Variants in MCUR1 observed in about 807,000 individuals in gnomAD.
The protein encoded by MCUR1 is MCU regulator 1.
MCUR1 carries 37 observed loss-of-function variants against 42.0 expected under a neutral mutation model. The ratio of observed to expected loss-of-function variants is 0.88; its 90% CI spans 0.68 to 1.16. MCUR1 has a LOEUF of 1.16. Among genes scored for constraint, MCUR1 ranks in the 50% most tolerant of loss-of-function variants. The probability of loss-of-function intolerance (pLI) is 0.00; values close to 1 mark genes in which losing one functional copy is unlikely to be tolerated. For synonymous variants in MCUR1, 229 were observed against 196.2 expected, an observed-to-expected ratio of 1.17 and a Z score of -1.40; for missense variants, 469 against 468.4, an observed-to-expected ratio of 1.00 and a Z score of -0.01.
chr6:13,813,673 C>A (rs1159087004), intron 1 of MCUR1, among the ~76,000 whole-genome samples: 1 of 152,222 alleles, frequency 6.6e-6, no homozygotes, highest in Admixed American at 6.5e-5. Context: ...CCTTGAACGC[C>A]CAACAGGCTG....
At chr6:13,805,681 T>C (rs976242684) in intron 2 of MCUR1, among the ~76,000 whole-genome samples, 3 of 152,298 alleles carry the variant, frequency 2.0e-5, no homozygotes, top group African/African-American at 7.2e-5. Flanking sequence ...GAGTAGCTTT[T>C]CTGACACAAA....
At chr6:13,796,066 C>T (rs1465124334) in intron 6 of MCUR1, among the ~76,000 whole-genome samples, 1 of 152,040 alleles carries the variant, frequency 6.6e-6, no homozygotes, top group African/African-American at 2.4e-5. Context: ...ATAGTCATTC[C>T]AGATAAAGTA....
chr6:13,800,696 G>C (rs116060574), intron 4 of MCUR1, among the ~76,000 whole-genome samples: 218 of 152,268 alleles, frequency 1.4e-3, no homozygotes, highest in African/African-American at 4.9e-3. Context: ...GAACAACCTA[G>C]AGAGTCTGAA....
intron 2 of MCUR1, among the ~76,000 whole-genome samples, chr6:13,804,496 C>A (rs185228365): frequency 6.6e-6 from 1 of 151,028 alleles, no homozygotes; most frequent in East Asian, 2.0e-4. Context: ...AAGTCTTGGC[C>A]GGGCGCGGTG....
At position 13,787,943 on chromosome 6, in the gene MCUR1, T is replaced by C. The variant is rs1759638962; in HGVS notation, c.*2866A>G. 6.6e-6 allele frequency: 1 copy of C among 152,220 alleles called. No homozygotes were observed. The highest frequency in any genetic ancestry group is 2.4e-5 in the African/African-American group (1 of 41,434). 9.4% of individuals were successfully genotyped at this position (152,220 alleles called of 1,614,324 possible). A position where few individuals can be genotyped will look rare whatever the true frequency, so the allele number is the denominator to read the frequency against. ...CTGGGCCCGAGTCTCGTTGCAGTGG[T>C]GTAATCTCTGCTCACTGCAACCTCT... On this transcript the variant is annotated 3_prime_UTR_variant, in exon 9 of 9. Coordinates refer to ENST00000379170, the MANE Select transcript of MCUR1 (RefSeq NM_001031713.4).
intron 1 of MCUR1, among the ~76,000 whole-genome samples, chr6:13,811,763 A>C (rs1760239870): frequency 6.6e-6 from 1 of 152,124 alleles, no homozygotes; most frequent in Non-Finnish European, 1.5e-5. Context: ...TAAGAAAATA[A>C]TCATTCATGT....
At chr6:13,811,859 GT>G (rs60606901) in intron 1 of MCUR1, among the ~76,000 whole-genome samples, 15,319 of 151,890 alleles carry the variant, frequency 0.1, 1,170 homozygotes, top group African/African-American at 0.21. Flanking sequence ...GGATACTACA[GT>G]TTTTTTGTTA....
chr6:13,789,218 T>A lies in MCUR1; in HGVS notation c.*1591A>T, dbSNP rs1364122930. The A allele has an allele frequency of 1.3e-5, 2 of 152,360 alleles. No individual in the cohort carries two copies. The highest frequency in any genetic ancestry group is 3.9e-4 in the East Asian group (2 of 5,184). 9.4% of individuals were successfully genotyped at this position (152,360 alleles called of 1,614,324 possible). A position where few individuals can be genotyped will look rare whatever the true frequency, so the allele number is the denominator to read the frequency against. On this transcript the variant is annotated 3_prime_UTR_variant, in exon 9 of 9. Transcript: ENST00000379170. ...GAGTTAGAGACCAGCCTGGCCAACA[T>A]GGTGAAACCTCATCTCTACTAAAAA... is the stretch of plus-strand genomic sequence containing the variant.
At chr6:13,802,093 T>A (rs1019767767) in intron 3 of MCUR1, 150 bp downstream of exon 3, 1 of 546,798 alleles carries the variant, frequency 1.8e-6, no homozygotes, top group African/African-American at 1.9e-5. Flanking sequence ...GTATTTTTTA[T>A]GCCACTGTAA....
chr6:13,796,327 A>AC (rs1759855105), intron 6 of MCUR1, among the ~76,000 whole-genome samples: 1 of 145,126 alleles, frequency 6.9e-6, no homozygotes, highest in African/African-American at 2.6e-5. Flanking sequence ...TCACTCTGTC[A>AC]CCCAGGCTGG....
chr6:13,804,193 C>T, intron 2 of MCUR1: 2 of 221,866 alleles, frequency 9.0e-6, no homozygotes, highest in East Asian at 1.6e-4. Context: ...TGTGGTGGTG[C>T]ATGCCTGTAA....
chr6:13,806,976 T>C lies in MCUR1; in HGVS notation c.484A>G (p.Arg162Gly), dbSNP rs1760124990. The C allele has an allele frequency of 3.1e-6, 5 of 1,613,692 alleles. No individual in the cohort carries two copies. The highest frequency in any genetic ancestry group is 2.7e-5 in the African/African-American group (2 of 74,928). The change falls in exon 2 of 9, where the codon AGG (arginine) becomes GGG (glycine). Residue 162 changes from arginine to glycine, a missense_variant. Arg to Gly is a moderately radical substitution (Grantham distance 125). Coordinates refer to ENST00000379170, the MANE Select transcript of MCUR1 (RefSeq NM_001031713.4). ...GCATGAGTGTCGAAGTAGAGTTTCC[T>C]GCTCCCAGAAGAGGTGAAATCTCTC... ...KRRDFTSSGS[R>G]KLYFDTHALV...
intron 4 of MCUR1, among the ~76,000 whole-genome samples, 199 bp downstream of exon 4, chr6:13,801,089 T>A (rs1443940541): frequency 6.6e-6 from 1 of 152,230 alleles, no homozygotes; most frequent in Non-Finnish European, 1.5e-5. Flanking sequence ...CAGCGTTTCC[T>A]CTGGGGCAGG....
chr6:13,803,803 A>C (rs1760045656), intron 2 of MCUR1: 3 of 985,274 alleles, frequency 3.0e-6, no homozygotes, highest in South Asian at 9.4e-5. Context: ...TTAAAAACTC[A>C]AACTAAACTT....
rs200298973 is a variant in MCUR1 at position 13,790,841 on chromosome 6, C to T, written c.1048G>A (p.Val350Ile). The change falls in exon 9 of 9, where the codon GTA becomes ATA. Residue 350 changes from valine (V) to isoleucine (I), a missense_variant. Val to Ile is a conservative substitution (Grantham distance 29). Coordinates refer to ENST00000379170, the MANE Select transcript of MCUR1 (RefSeq NM_001031713.4). The part of the protein sequence containing the change: ...LAGSIFTCLT[V>I]ALGFYRLWI ...CACAGGCGATAAAATCCCAGAGCTACTGTTAGGCACGTAAATATAGACCCT... is the reference window on the plus strand; with the variant it reads ...CACAGGCGATAAAATCCCAGAGCTATTGTTAGGCACGTAAATATAGACCCT... 1.6e-5 allele frequency: 25 copies of T among 1,611,590 alleles called. No individual in the cohort carries two copies. The African/African-American group carries it at 2.5e-4, about 16-fold the overall frequency.
chr6:13,803,620 G>T, intron 2 of MCUR1: 1 of 402,846 alleles, frequency 2.5e-6, no homozygotes, highest in Non-Finnish European at 3.4e-6. Flanking sequence ...AGATTTAAAG[G>T]AGAAGGAAAA....
In MCUR1 at chr6:13,814,203, G is replaced by T; in HGVS notation, c.227C>A (p.Pro76His). The change falls in exon 1 of 9, where the codon CCC (proline) becomes CAC (histidine). Residue 76 changes from proline to histidine, a missense_variant. Coordinates refer to ENST00000379170, the MANE Select transcript of MCUR1 (RefSeq NM_001031713.4). ...ASPLLLLLLVPSPRLAAAAPR... is the reference protein window; with the variant it reads ...ASPLLLLLLVHSPRLAAAAPR... ...GGCTGCGGCGGCCAAGCGCGGGGAG[G>T]GCACTAGCAGGAGGAGGAGCAGCGG... 1 of 1,416,232 alleles carries T rather than the reference G, an allele frequency of 7.1e-7. No individual in the cohort carries two copies. 87.7% of individuals were successfully genotyped at this position (1,416,232 alleles called of 1,614,324 possible).
intron 6 of MCUR1, 27 bp downstream of exon 6, chr6:13,798,806 T>A (rs990235930): frequency 4.5e-6 from 7 of 1,566,046 alleles, no homozygotes; most frequent in Non-Finnish European, 5.3e-6. Context: ...AATTAATTCA[T>A]AATGTGTTTT....
intron 3 of MCUR1, among the ~76,000 whole-genome samples, 156 bp downstream of exon 3, chr6:13,802,087 T>A (rs1760002987): frequency 6.6e-6 from 1 of 152,214 alleles, no homozygotes; most frequent in Non-Finnish European, 1.5e-5. Flanking sequence ...GAGTAAGTAT[T>A]TTTTATGCCA....
Sources: allele counts gnomAD v4.1 joint callset (sites outside exome capture counted in the v4.1 genomes callset), GRCh38; gene constraint gnomAD v4.1.1; transcripts MANE v1.5; gene names NCBI Gene and HGNC (gene_info 2026-07-23, HGNC 2026-07-21).